The following CDH4 variants were observed in gnomAD, a reference collection of about 807,000 sequenced individuals.
CDH4 encodes cadherin 4.
A neutral mutation model predicts 86.0 loss-of-function variants in CDH4; 33 were observed. That is an observed-to-expected ratio of 0.38 (90% confidence interval 0.29 to 0.51). CDH4 has a LOEUF of 0.51. CDH4 is among the 20% of genes least tolerant of loss of function. The pLI is 0.86. For missense variants in CDH4, 1,114 were observed against 1,307.4 expected, an observed-to-expected ratio of 0.85 and a Z score of 2.28; for synonymous variants, 555 against 549.4, an observed-to-expected ratio of 1.01 and a Z score of -0.14.
At chr20:61,546,206 G>C (rs1029013040) in intron 2 of CDH4, among the ~76,000 whole-genome samples, 1 of 104,192 alleles carries the variant, frequency 9.6e-6, no homozygotes, top group Non-Finnish European at 2.0e-5. Flanking sequence ...ATTCACATTC[G>C]TGCGTGTGTG....
chr20:61,565,334 GTGGTAGTGGTCCTCTTGGTGATGGGGTGA>G lies in CDH4; in HGVS notation c.170-178224_170-178196del, dbSNP rs2086283332. Reference sequence around the variant, plus strand: ...GGTGGTGGCGGTGCTCTTGGTGATGGTGGTAGTGGTCCTCTTGGTGATGGGGTGATGGTGGTGGTGGTCCTCTTGGTGAT... The same window carrying G: ...GGTGGTGGCGGTGCTCTTGGTGATGGTGGTGGTGGTGGTCCTCTTGGTGAT... On this transcript the variant is annotated intron_variant, in intron 2 of 15. Transcript: ENST00000614565. Among the ~76,000 whole-genome samples, 2 of 75,482 alleles carry G rather than the reference GTGGTAGTGGTCCTCTTGGTGATGGGGTGA, an allele frequency of 2.6e-5. 1 individual carries two copies. Among genetic ancestry groups the G allele is most frequent in the Non-Finnish European group, 6.2e-5 (2 of 32,028 alleles). The allele number at this position is 75,482 out of a possible 152,430, so 49.5% of individuals were successfully genotyped here. A position where few individuals can be genotyped will look rare whatever the true frequency, so the allele number is the denominator to read the frequency against.
intron 3 of CDH4, among the ~76,000 whole-genome samples, chr20:61,770,128 C>A (rs959113512): frequency 1.3e-5 from 2 of 152,154 alleles, no homozygotes; most frequent in Non-Finnish European, 2.9e-5. Flanking sequence ...TCTTTAAAGG[C>A]CCCTGAGGAG....
At chr20:61,404,203 G>A (rs1451301895) in intron 2 of CDH4, among the ~76,000 whole-genome samples, 1 of 151,986 alleles carries the variant, frequency 6.6e-6, no homozygotes, top group Middle Eastern at 3.2e-3. Flanking sequence ...CTGTCCCAGG[G>A]CACATTTCTT....
chr20:61,932,805 A>AT (rs2055129729), intron 13 of CDH4, among the ~76,000 whole-genome samples, 180 bp from the exon 14 acceptor site: 2 of 152,342 alleles, frequency 1.3e-5, no homozygotes, highest in South Asian at 4.1e-4. Flanking sequence ...GTCCTTGCAC[A>AT]TCCAGGCCTG....
intron 8 of CDH4, among the ~76,000 whole-genome samples, chr20:61,906,521 G>T (rs1473549810): frequency 1.3e-5 from 2 of 152,250 alleles, no homozygotes; most frequent in East Asian, 3.8e-4. Context: ...GCTCCCGGGG[G>T]AGGCCAGCAG....
intron 2 of CDH4, among the ~76,000 whole-genome samples, chr20:61,495,415 T>C (rs1172089906): frequency 1.3e-5 from 2 of 151,820 alleles, no homozygotes; most frequent in Non-Finnish European, 2.9e-5. Context: ...AGCCCCCCGC[T>C]TATCCTGAGA....
rs926862612 is a variant in CDH4, at chr20:61,480,280, C to T, written c.169+225343C>T. 1.3e-5 allele frequency among the ~76,000 whole-genome samples: 2 copies of T among 152,150 alleles called. No individual in the cohort carries two copies. The highest frequency in any genetic ancestry group is 4.8e-5 in the African/African-American group (2 of 41,446). On this transcript the variant is annotated intron_variant, in intron 2 of 15. Coordinates refer to ENST00000614565, the MANE Select transcript of CDH4 (RefSeq NM_001794.5). The surrounding 1 kb of genome is among the most constrained non-coding windows in gnomAD (Gnocchi z 5.2). ...AGCCTGGAAACTCCCCAAGCGGAAGCCGGGGCAGCTGTGGCGCCCCCTGGC... is the reference window on the plus strand; with the variant it reads ...AGCCTGGAAACTCCCCAAGCGGAAGTCGGGGCAGCTGTGGCGCCCCCTGGC...
At chr20:61,312,294 T>C (rs1432128762) in intron 2 of CDH4, among the ~76,000 whole-genome samples, 1 of 150,522 alleles carries the variant, frequency 6.6e-6, no homozygotes, top group Non-Finnish European at 1.5e-5. Flanking sequence ...TATGCATATG[T>C]CAGTGTGTGT....
Position 61,393,056 on chromosome 20 carries a change from G to C in CDH4, c.169+138119G>C, listed in dbSNP as rs771851717. Among the ~76,000 whole-genome samples the C allele has an allele frequency of 1.3e-5, 2 of 152,066 alleles. No homozygotes were observed. On this transcript the variant is annotated intron_variant, in intron 2 of 15. Transcript: ENST00000614565. The surrounding 1 kb of genome is among the most constrained non-coding windows in gnomAD (Gnocchi z 4.3). Reference sequence around the variant, plus strand: ...AGCTGCGGGGCCCCTCGGTGATCAGGGCCGTTTATTTTCCTCCTAATTTCT... The same window carrying C: ...AGCTGCGGGGCCCCTCGGTGATCAGCGCCGTTTATTTTCCTCCTAATTTCT...
intron 2 of CDH4, among the ~76,000 whole-genome samples, chr20:61,447,323 ATTTTTTTT>A (rs71331923): frequency 9.0e-6 from 1 of 110,858 alleles, no homozygotes; most frequent in Non-Finnish European, 1.8e-5. Flanking sequence ...CGCCCAGCTG[ATTTTTTTT>A]TTTTTTTTTT....
At chr20:61,761,355 C>A (rs1381838048) in intron 3 of CDH4, among the ~76,000 whole-genome samples, 1 of 152,134 alleles carries the variant, frequency 6.6e-6, no homozygotes, top group South Asian at 2.1e-4. Context: ...GGGAAGAAAT[C>A]GTATCCTCCC....
chr20:61,465,444 T>G (rs545716175), intron 2 of CDH4, among the ~76,000 whole-genome samples: 6 of 152,294 alleles, frequency 3.9e-5, no homozygotes, highest in Admixed American at 6.5e-5. Context: ...GCATATGTAT[T>G]TACCCGTGAT....
chr20:61,889,586 TTAG>T (rs1984706597), intron 7 of CDH4, among the ~76,000 whole-genome samples: 1 of 48,904 alleles, frequency 2.0e-5, no homozygotes, highest in Non-Finnish European at 5.4e-5. Context: ...GATGAATGAG[TTAG>T]TGGATGGATG....
At chr20:61,365,229 C>CT (rs999071305) in intron 2 of CDH4, among the ~76,000 whole-genome samples, 8 of 152,162 alleles carry the variant, frequency 5.3e-5, no homozygotes, top group African/African-American at 1.9e-4. Flanking sequence ...TCCTAGCTGT[C>CT]TTTTTTGGTG....
intron 7 of CDH4, among the ~76,000 whole-genome samples, chr20:61,880,006 C>T (rs938910366): frequency 6.6e-6 from 1 of 152,178 alleles, no homozygotes; most frequent in African/African-American, 2.4e-5. Flanking sequence ...CCACACCTCC[C>T]CGAACGTCTT....
chr20:61,769,897 G>C (rs1600968958), intron 3 of CDH4, among the ~76,000 whole-genome samples: 1 of 152,356 alleles, frequency 6.6e-6, no homozygotes, highest in Middle Eastern at 3.4e-3. Context: ...CCCCAAGGTA[G>C]AGACCAGCTC....
chr20:61,256,561 A>T (rs1194900629), intron 2 of CDH4, among the ~76,000 whole-genome samples: 1 of 152,226 alleles, frequency 6.6e-6, no homozygotes, highest in Non-Finnish European at 1.5e-5. Context: ...GAAAGCCTAG[A>T]TCACTGGCCG....
rs114533515 is a variant in CDH4 at position 61,650,588 on chromosome 20, G to A, written c.170-92975G>A. Among the ~76,000 whole-genome samples, 1,428 of 152,270 alleles carry A rather than the reference G, an allele frequency of 9.4e-3. 15 individuals carry two copies. The highest frequency in any genetic ancestry group is 0.033 in the African/African-American group (1,356 of 41,552). On this transcript the variant is annotated intron_variant, in intron 2 of 15. Transcript: ENST00000614565. ...AAGCATCTACTGTATATCAGGCCCT[G>A]TGCACAGCCAGGAGGACACACCCTG...
At chr20:61,266,394 T>C (rs1252809356) in intron 2 of CDH4, among the ~76,000 whole-genome samples, 4 of 151,724 alleles carry the variant, frequency 2.6e-5, no homozygotes, top group Non-Finnish European at 5.9e-5. Flanking sequence ...TTTTCAGGAG[T>C]GTGCCCTTGG....
Sources: allele counts gnomAD v4.1 joint callset (sites outside exome capture counted in the v4.1 genomes callset), GRCh38; gene constraint gnomAD v4.1.1; non-coding constraint Gnocchi (gnomAD v3.1); transcripts MANE v1.5; gene names NCBI Gene and HGNC (gene_info 2026-07-23, HGNC 2026-07-21).